The following PEAK1 variants were observed in gnomAD, a reference collection of about 807,000 sequenced individuals.
PEAK1 encodes pseudopodium enriched atypical kinase 1.
A neutral mutation model predicts 124.7 loss-of-function variants in PEAK1; 54 were observed. That is an observed-to-expected ratio of 0.43 (90% CI 0.35 to 0.54). PEAK1 has a LOEUF of 0.54. Ranked by LOEUF, PEAK1 falls within the 20% of genes least tolerant of loss-of-function variation. The pLI is 0.01. For synonymous variants in PEAK1, 719 were observed against 760.0 expected, an observed-to-expected ratio of 0.95 and a Z score of 0.89; for missense variants, 2,046 against 2,134.5, an observed-to-expected ratio of 0.96 and a Z score of 0.82.
chr15:77,234,232 G>A (rs773189913), intron 6 of PEAK1, among the ~76,000 whole-genome samples: 13 of 152,054 alleles, frequency 8.5e-5, no homozygotes, highest in Non-Finnish European at 1.5e-4. Flanking sequence ...AATTTCTGTA[G>A]TTTTAGTTAT....
chr15:77,416,644 A>C (rs1212971935), intron 1 of PEAK1, among the ~76,000 whole-genome samples: 1 of 152,118 alleles, frequency 6.6e-6, no homozygotes, highest in East Asian at 1.9e-4. Context: ...TTATTACTTC[A>C]TCCACCCCTG....
downstream of PEAK1, chr15:77,104,888 T>A (rs2050731223): frequency 1.3e-5 from 2 of 152,172 alleles, no homozygotes; most frequent in Admixed American, 1.3e-4. Context: ...TTAAGCTAGT[T>A]CATGGGAAAG....
At chr15:77,228,856 G>A (rs1178310957) in intron 6 of PEAK1, among the ~76,000 whole-genome samples, 1 of 152,070 alleles carries the variant, frequency 6.6e-6, no homozygotes, top group African/African-American at 2.4e-5. Flanking sequence ...AGGACTCTAG[G>A]TTCTAATGGG....
Position 77,114,820 on chromosome 15 carries a change from T to G in PEAK1, c.4577A>C (p.His1526Pro). 1 of 1,613,410 alleles carries G rather than the reference T, an allele frequency of 6.2e-7. No individual in the cohort carries two copies. The highest frequency in any genetic ancestry group is 8.5e-7 in the Non-Finnish European group (1 of 1,179,910). The stretch of plus-strand genomic sequence containing the variant: ...TTGGGCAGTCCCCCCAGGCTGGTAG[T>G]GGACAAGTAGCAGGTTCTCTAGGCG... ...DLRLENLLLV[H>P]YQPGGTAQGF... Residue 1526 changes from histidine to proline, a missense_variant, in exon 10 of 10, where the codon CAC (histidine) becomes CCC (proline). His to Pro is a moderately conservative substitution (Grantham distance 77, BLOSUM62 -2). Coordinates refer to ENST00000682557, the MANE Select transcript of PEAK1 (RefSeq NM_001385026.1).
intron 2 of PEAK1, chr15:77,333,225 T>C (rs919359170): frequency 1.1e-6 from 1 of 907,348 alleles, no homozygotes; most frequent in Admixed American, 6.2e-5. Context: ...GCTCAAGCCA[T>C]CCTCCTTTCT....
chr15:77,178,912 G>T lies in PEAK1; in HGVS notation c.3015C>A (p.Ser1005Arg), dbSNP rs2057054239. 4.3e-6 allele frequency: 7 copies of T among 1,614,006 alleles called. No homozygotes were observed. The South Asian group carries it at 7.7e-5, about 18-fold the overall frequency. ...CTGCTGCCTGGTCTGTCCTAGCCTT[G>T]CTCTGATCCACACTGAGCTGGCCTT... ...PAQGQLSVDQSKARTDQAAVM... is the reference protein window; with the variant it reads ...PAQGQLSVDQRKARTDQAAVM... Residue 1005 changes from serine (S) to arginine (R), a missense_variant, in exon 7 of 10, where the codon AGC becomes AGA. By Grantham distance (110) the Ser-to-Arg change is moderately radical (BLOSUM62 -1). Transcript: ENST00000682557.
At chr15:77,260,481 T>G (rs978514525) in intron 5 of PEAK1, among the ~76,000 whole-genome samples, 1 of 151,460 alleles carries the variant, frequency 6.6e-6, no homozygotes, top group Non-Finnish European at 1.5e-5. Context: ...GGCAAAGACA[T>G]TAAAAGGGCT....
At chr15:77,290,502 T>A (rs926959164) in intron 2 of PEAK1, among the ~76,000 whole-genome samples, 1 of 151,974 alleles carries the variant, frequency 6.6e-6, no homozygotes, top group African/African-American at 2.4e-5. Context: ...ATACACCCGC[T>A]TCAGCCTCCC....
chr15:77,362,174 C>T (rs1190539808), intron 2 of PEAK1, among the ~76,000 whole-genome samples: 1 of 151,990 alleles, frequency 6.6e-6, no homozygotes, highest in Non-Finnish European at 1.5e-5. Flanking sequence ...CTAAAGTTAA[C>T]AGTAATACAT....
chr15:77,213,059 T>C (rs536498524), intron 6 of PEAK1, among the ~76,000 whole-genome samples: 145 of 152,274 alleles, frequency 9.5e-4, no homozygotes, highest in African/African-American at 3.0e-3. Flanking sequence ...CATAATTCCC[T>C]AAGATGAATG....
chr15:77,206,219 T>C (rs1235925368), intron 6 of PEAK1, among the ~76,000 whole-genome samples: 1 of 140,110 alleles, frequency 7.1e-6, no homozygotes, highest in Non-Finnish European at 1.6e-5. Flanking sequence ...CTTAATCCAG[T>C]CTATCATTGT....
intron 7 of PEAK1, among the ~76,000 whole-genome samples, chr15:77,167,121 C>T (rs1175157194): frequency 6.6e-6 from 1 of 152,108 alleles, no homozygotes; most frequent in Non-Finnish European, 1.5e-5. Flanking sequence ...AATAAGTATA[C>T]AAGCAGCAAG....
intron 6 of PEAK1, among the ~76,000 whole-genome samples, chr15:77,248,322 T>C (rs2060689361): frequency 6.6e-6 from 1 of 152,234 alleles, no homozygotes; most frequent in Admixed American, 6.5e-5. Context: ...TATCCTCATA[T>C]ATAAAATGGA....
chr15:77,394,923 T>C (rs1359185923), intron 1 of PEAK1, among the ~76,000 whole-genome samples: 1 of 152,234 alleles, frequency 6.6e-6, no homozygotes, highest in Non-Finnish European at 1.5e-5. Flanking sequence ...ATGATGTGAC[T>C]ATTACTCATT....
intron 6 of PEAK1, among the ~76,000 whole-genome samples, chr15:77,237,051 C>T (rs1398167834): frequency 6.6e-6 from 1 of 152,056 alleles, no homozygotes; most frequent in Non-Finnish European, 1.5e-5. Flanking sequence ...AGCTGCTGCA[C>T]CTGGCTAGAA....
intron 1 of PEAK1, among the ~76,000 whole-genome samples, chr15:77,414,956 C>T (rs1279985805): frequency 6.6e-6 from 1 of 152,208 alleles, no homozygotes; most frequent in East Asian, 1.9e-4. Flanking sequence ...AACCAACTGT[C>T]CTTCAGATAT....
At chr15:77,146,796 G>A (rs908395725) in intron 8 of PEAK1, among the ~76,000 whole-genome samples, 7 of 152,168 alleles carry the variant, frequency 4.6e-5, no homozygotes, top group African/African-American at 1.7e-4. Context: ...ATAATTATTT[G>A]TTGAGGAAAT....
intron 6 of PEAK1, chr15:77,239,854 C>A (rs2060278523): frequency 1.0e-6 from 1 of 984,920 alleles, no homozygotes; most frequent in African/African-American, 1.7e-5. Flanking sequence ...CACACAACTG[C>A]TCAATTCCAC....
intron 2 of PEAK1, among the ~76,000 whole-genome samples, chr15:77,294,078 A>G (rs1567222157): frequency 6.6e-6 from 1 of 152,198 alleles, no homozygotes; most frequent in Non-Finnish European, 1.5e-5. Context: ...CCAAAACAGG[A>G]GAAACAAAAG....
Sources: gnomAD v4.1 joint callset for allele counts (sites outside exome capture counted in the v4.1 genomes callset) on GRCh38, gnomAD v4.1.1 for gene constraint, MANE v1.5 for transcripts, NCBI Gene and HGNC (gene_info 2026-07-23, HGNC 2026-07-21) for gene names.